Variants in SENP6 observed in about 807,000 individuals in gnomAD.
SENP6 encodes sentrin-specific protease 6.
SENP6 carries 41 observed loss-of-function variants against 134.5 expected under a neutral mutation model. That is an observed-to-expected ratio of 0.30 (90% CI 0.24 to 0.40). The LOEUF is 0.40. Among genes scored for constraint, SENP6 ranks in the 10% least tolerant of loss-of-function variants. SENP6 has a pLI of 1.00. For missense variants in SENP6, 1,248 were observed against 1,312.5 expected, an observed-to-expected ratio of 0.95 and a Z score of 0.76; for synonymous variants, 395 against 429.8, an observed-to-expected ratio of 0.92 and a Z score of 1.00.
chr6:75,675,015 C>A (rs2149877043), intron 11 of SENP6, among the ~76,000 whole-genome samples: 1 of 151,940 alleles, frequency 6.6e-6, no homozygotes, highest in African/African-American at 2.4e-5. Flanking sequence ...TGTGTCTTTT[C>A]CACATTGAAA....
At chr6:75,648,340 C>A (rs772341095) in intron 7 of SENP6, among the ~76,000 whole-genome samples, 7 of 151,986 alleles carry the variant, frequency 4.6e-5, no homozygotes, top group Non-Finnish European at 8.8e-5. Flanking sequence ...AAAAATATAT[C>A]ATCATAAAAT....
At chr6:75,630,972 A>C (rs1190541288) in intron 3 of SENP6, among the ~76,000 whole-genome samples, 2 of 151,918 alleles carry the variant, frequency 1.3e-5, no homozygotes, top group Non-Finnish European at 2.9e-5. Context: ...TCTATCTTCC[A>C]ATTTACTTTT....
At chr6:75,626,915 T>A (rs1407182207) in intron 3 of SENP6, among the ~76,000 whole-genome samples, 2 of 152,192 alleles carry the variant, frequency 1.3e-5, no homozygotes, top group Admixed American at 6.5e-5. Flanking sequence ...TTCTGGGTTT[T>A]TTTTTCCCTC....
At chr6:75,684,772 T>C (rs1174377142) in intron 16 of SENP6, among the ~76,000 whole-genome samples, 1 of 152,152 alleles carries the variant, frequency 6.6e-6, no homozygotes, top group African/African-American at 2.4e-5. Flanking sequence ...TGGATAAGCT[T>C]TTTGATGTGC....
intron 17 of SENP6, 51 bp downstream of exon 17, chr6:75,695,974 C>T (rs1011222881): frequency 1.3e-6 from 2 of 1,484,418 alleles, no homozygotes; most frequent in African/African-American, 2.8e-5. Flanking sequence ...TCACATTTAA[C>T]TAAGTGAAAA....
chr6:75,612,406 A>G (rs997591925), intron 1 of SENP6, among the ~76,000 whole-genome samples: 14 of 152,134 alleles, frequency 9.2e-5, no homozygotes, highest in African/African-American at 3.4e-4. Context: ...CTTATGGCTC[A>G]TTGCAGTCTC....
At chr6:75,677,512 A>C in intron 14 of SENP6, 1 of 296,154 alleles carries the variant, frequency 3.4e-6, no homozygotes, top group Non-Finnish European at 6.3e-6. Context: ...TTTCATCATC[A>C]TTTTCTCTGT....
intron 18 of SENP6, among the ~76,000 whole-genome samples, chr6:75,701,886 C>G (rs574986197): frequency 1.3e-5 from 2 of 151,924 alleles, no homozygotes; most frequent in African/African-American, 4.8e-5. Context: ...GCAATCCACC[C>G]GCCTCGGCCT....
At chr6:75,656,445 A>C (rs777603592) in intron 7 of SENP6, among the ~76,000 whole-genome samples, 34 of 152,088 alleles carry the variant, frequency 2.2e-4, no homozygotes, top group Non-Finnish European at 3.7e-4. Flanking sequence ...TTCTGTGATC[A>C]GTTAGCTAGT....
intron 19 of SENP6, among the ~76,000 whole-genome samples, chr6:75,706,603 G>T (rs1196276805): frequency 2.6e-5 from 4 of 152,120 alleles, no homozygotes; most frequent in Non-Finnish European, 5.9e-5. Context: ...CTTGTTTTAT[G>T]TAGTTTGCCT....
intron 16 of SENP6, among the ~76,000 whole-genome samples, chr6:75,694,039 C>T (rs1774482004): frequency 6.6e-6 from 1 of 152,110 alleles, no homozygotes; most frequent in Non-Finnish European, 1.5e-5. Context: ...GGTGGATCAC[C>T]TGAGATCGAG....
chr6:75,704,202 A>T (rs1775232884), intron 19 of SENP6, among the ~76,000 whole-genome samples: 1 of 152,088 alleles, frequency 6.6e-6, no homozygotes, highest in South Asian at 2.1e-4. Flanking sequence ...GGAGAACGGC[A>T]CTCAGCATAT....
At chr6:75,658,092 G>A (rs1055153113) in intron 7 of SENP6, among the ~76,000 whole-genome samples, 2 of 152,100 alleles carry the variant, frequency 1.3e-5, no homozygotes, top group Admixed American at 6.6e-5. Context: ...TTAAGCGTCA[G>A]AAATGTAGTG....
Position 75,685,362 on chromosome 6 carries a change from G to GT in SENP6, c.2075+6443dup, listed in dbSNP as rs917594379. Among the ~76,000 whole-genome samples, 104 of 151,684 alleles carry GT rather than the reference G, an allele frequency of 6.9e-4. 1 individual carries two copies. Among genetic ancestry groups the GT allele is most frequent in the Middle Eastern group, 3.4e-3 (1 of 294 alleles). On this transcript the variant is annotated intron_variant, in intron 16 of 23. Coordinates refer to ENST00000447266, the MANE Select transcript of SENP6 (RefSeq NM_015571.4). ...TGGATTCATTGATTTTTTTTGAAGG[G>GT]TTTTTTTTGTCTCTATCTCCTTCAG... is the stretch of plus-strand genomic sequence containing the variant.
At chr6:75,611,449 C>T (rs1203571982) in intron 1 of SENP6, 2 of 152,164 alleles carry the variant, frequency 1.3e-5, no homozygotes, top group Non-Finnish European at 2.9e-5. Flanking sequence ...TTTCTTGAGT[C>T]TCTGTTAATT....
intron 19 of SENP6, 83 bp from the exon 20 acceptor site, chr6:75,709,444 A>T (rs1313940164): frequency 1.2e-6 from 1 of 843,454 alleles, no homozygotes; most frequent in Non-Finnish European, 1.9e-6. Flanking sequence ...TCATTAATTA[A>T]CTACTAGCAT....
Position 75,623,960 on chromosome 6 carries a change from G to GTTAAATCGTCGATCT in SENP6, c.207_207+1insTTAAATCGTCGATCT (p.Leu70_Ser74dup). 6.2e-7 allele frequency: 1 copy of GTTAAATCGTCGATCT among 1,604,300 alleles called. No homozygotes were observed. Among genetic ancestry groups the GTTAAATCGTCGATCT allele is most frequent in the Non-Finnish European group, 8.5e-7 (1 of 1,173,946 alleles). ...ATTCTGAAACCTCAAAAGGAAAAAA[G>GTTAAATCGTCGATCT]GCAAGTGTTGCTTAAAATATTTTCT... is the stretch of plus-strand genomic sequence containing the variant. On this transcript the variant is annotated inframe_insertion and splice_region_variant. Transcript: ENST00000447266.
At chr6:75,650,916 A>C (rs914545064) in intron 7 of SENP6, among the ~76,000 whole-genome samples, 1 of 152,200 alleles carries the variant, frequency 6.6e-6, no homozygotes, top group Non-Finnish European at 1.5e-5. Context: ...TTAACACTCA[A>C]GGTGATTTTC....
chr6:75,709,628 C>A lies in SENP6; in HGVS notation c.2818C>A (p.Gln940Lys). ...LVDFSEDQDN[Q>K]DDSSDDGFLA... Reference sequence around the variant, plus strand: ...CGACTTCTCAGAAGATCAGGATAACCAGGTAAAACTTAATGCTTGGCAAAA... The same window carrying A: ...CGACTTCTCAGAAGATCAGGATAACAAGGTAAAACTTAATGCTTGGCAAAA... Residue 940 changes from glutamine to lysine, a missense_variant and splice_region_variant, in exon 20 of 24, where the codon CAG becomes AAG. This residue lies in a region of SENP6 where 386 missense variants were observed against 395.0 expected (regional missense o/e 0.98). Transcript: ENST00000447266. 6.2e-7 allele frequency: 1 copy of A among 1,611,076 alleles called. No homozygotes were observed. Among genetic ancestry groups the A allele is most frequent in the South Asian group, 1.1e-5 (1 of 91,000 alleles).
Sources: allele counts gnomAD v4.1 joint callset (sites outside exome capture counted in the v4.1 genomes callset), GRCh38; gene constraint gnomAD v4.1.1; regional missense constraint gnomAD v4.1.1; transcripts MANE v1.5; gene names NCBI Gene and HGNC (gene_info 2026-07-23, HGNC 2026-07-21).